The following GPC5 variants were observed in gnomAD, a reference collection of about 807,000 sequenced individuals.
The protein encoded by GPC5 is glypican 5.
In GPC5, 47 loss-of-function variants were observed where a neutral mutation model predicts 53.9. That is an observed-to-expected ratio of 0.87 (90% CI 0.69 to 1.11). The LOEUF (loss-of-function observed/expected upper bound fraction) is 1.11. Among genes scored for constraint, GPC5 ranks in the 50% most tolerant of loss-of-function variants. GPC5 has a pLI of 0.00. For synonymous variants in GPC5, 286 were observed against 263.3 expected, an observed-to-expected ratio of 1.09 and a Z score of -0.84; for missense variants, 748 against 713.1, an observed-to-expected ratio of 1.05 and a Z score of -0.56.
chr13:92,137,576 A>T (rs1291049244), intron 6 of GPC5, among the ~76,000 whole-genome samples: 2 of 152,198 alleles, frequency 1.3e-5, no homozygotes, highest in African/African-American at 4.8e-5. Flanking sequence ...ATCTCAAATA[A>T]TACTCACAAA....
At chr13:92,823,803 C>T (rs1266143043) in intron 7 of GPC5, among the ~76,000 whole-genome samples, 1 of 152,052 alleles carries the variant, frequency 6.6e-6, no homozygotes, top group Non-Finnish European at 1.5e-5. Flanking sequence ...TACTTCCCAA[C>T]CCTGTTAAAA....
At chr13:91,916,459 AAAG>A (rs1362126065) in intron 6 of GPC5, among the ~76,000 whole-genome samples, 4 of 152,348 alleles carry the variant, frequency 2.6e-5, no homozygotes, top group Non-Finnish European at 5.9e-5. Flanking sequence ...ATTTGCCAAT[AAAG>A]AAGATCAAAA....
chr13:92,587,021 A>G (rs1883559643), intron 7 of GPC5, among the ~76,000 whole-genome samples: 1 of 152,066 alleles, frequency 6.6e-6, no homozygotes, highest in Admixed American at 6.5e-5. Context: ...TTACTTAATG[A>G]GCTATTTTCT....
At chr13:92,728,257 T>A (rs1373441089) in intron 7 of GPC5, among the ~76,000 whole-genome samples, 2 of 151,484 alleles carry the variant, frequency 1.3e-5, no homozygotes, top group African/African-American at 2.4e-5. Flanking sequence ...GATGAGCATA[T>A]CTTTTTTGAT....
At chr13:92,672,027 CAA>C (rs1366701422) in intron 7 of GPC5, among the ~76,000 whole-genome samples, 1 of 152,070 alleles carries the variant, frequency 6.6e-6, no homozygotes, top group African/African-American at 2.4e-5. Flanking sequence ...TGAATGAGGA[CAA>C]CTCACAGAGA....
chr13:91,814,418 A>G (rs1409549990), intron 5 of GPC5, among the ~76,000 whole-genome samples: 1 of 152,198 alleles, frequency 6.6e-6, no homozygotes, highest in Non-Finnish European at 1.5e-5. Context: ...AGTAGGGGAA[A>G]AGGAACCTGA....
At position 92,635,164 on chromosome 13, in the gene GPC5, G is replaced by A. The variant is rs565408960; in HGVS notation, c.1562-231118G>A. On this transcript the variant is annotated intron_variant, in intron 7 of 7. Transcript: ENST00000377067. ...TGTTAAACATTTCTGAAATTAACAT[G>A]TACTATGTATATATGTGTATATACT... 2.6e-5 allele frequency among the ~76,000 whole-genome samples: 4 copies of A among 152,046 alleles called. No homozygotes were observed. The South Asian group carries it at 8.3e-4, about 32-fold the overall frequency.
intron 7 of GPC5, among the ~76,000 whole-genome samples, chr13:92,251,168 T>A (rs765185433): frequency 6.6e-6 from 1 of 152,186 alleles, no homozygotes; most frequent in South Asian, 2.1e-4. Context: ...GGGAAGCAGT[T>A]AAGGGTGGGA....
intron 6 of GPC5, among the ~76,000 whole-genome samples, chr13:92,007,600 T>C (rs986751184): frequency 1.3e-5 from 2 of 152,218 alleles, no homozygotes; most frequent in African/African-American, 2.4e-5. Flanking sequence ...TATATTTAAA[T>C]TGTGTGTCTT....
intron 7 of GPC5, among the ~76,000 whole-genome samples, chr13:92,298,613 T>TGTTC (rs1213492878): frequency 6.6e-6 from 1 of 152,214 alleles, no homozygotes; most frequent in Non-Finnish European, 1.5e-5. Flanking sequence ...TGGGGGTGTG[T>TGTTC]GTTCAGGAGA....
intron 7 of GPC5, among the ~76,000 whole-genome samples, chr13:92,319,289 G>A (rs2043200108): frequency 6.6e-6 from 1 of 151,400 alleles, no homozygotes; most frequent in African/African-American, 2.4e-5. Flanking sequence ...AAATATACAT[G>A]TATTTTACAT....
chr13:91,748,756 G>A (rs2037105917), intron 4 of GPC5, among the ~76,000 whole-genome samples: 1 of 152,230 alleles, frequency 6.6e-6, no homozygotes, highest in Non-Finnish European at 1.5e-5. Flanking sequence ...ATTAGGGAAG[G>A]AGTTGGAGAG....
intron 7 of GPC5, among the ~76,000 whole-genome samples, chr13:92,300,596 C>T (rs2043068956): frequency 6.6e-6 from 1 of 152,108 alleles, no homozygotes; most frequent in African/African-American, 2.4e-5. Flanking sequence ...AATCAATAGG[C>T]AGTGGTGAGA....
intron 7 of GPC5, among the ~76,000 whole-genome samples, chr13:92,563,293 C>CA (rs34775045): frequency 6.6e-6 from 1 of 151,960 alleles, no homozygotes; most frequent in Non-Finnish European, 1.5e-5. Context: ...CCCCTCTCCC[C>CA]AAAAAGCTAT....
intron 7 of GPC5, among the ~76,000 whole-genome samples, chr13:92,678,154 C>A (rs61974466): frequency 0.22 from 33,753 of 151,858 alleles, 4,392 homozygotes; most frequent in South Asian, 0.36. Flanking sequence ...GTTTTATATC[C>A]AACACTTTTT....
chr13:92,331,857 A>G (rs947265566), intron 7 of GPC5, among the ~76,000 whole-genome samples: 10 of 152,098 alleles, frequency 6.6e-5, no homozygotes, highest in Non-Finnish European at 1.2e-4. Context: ...CATGCTTACC[A>G]TGATGCACTC....
At chr13:91,833,006 TAAAG>T (rs2038680852) in intron 5 of GPC5, among the ~76,000 whole-genome samples, 1 of 151,648 alleles carries the variant, frequency 6.6e-6, no homozygotes, top group African/African-American at 2.4e-5. Flanking sequence ...GCCAGACTAA[TAAAG>T]AAGAAAAGAG....
At chr13:91,454,934 A>T (rs933189603) in intron 2 of GPC5, among the ~76,000 whole-genome samples, 2 of 152,064 alleles carry the variant, frequency 1.3e-5, no homozygotes, top group Non-Finnish European at 2.9e-5. Context: ...ATGCAGAGGG[A>T]ATCATAGAAA....
At chr13:92,854,608 T>A (rs1426346594) in intron 7 of GPC5, among the ~76,000 whole-genome samples, 1 of 151,926 alleles carries the variant, frequency 6.6e-6, no homozygotes, top group Non-Finnish European at 1.5e-5. Context: ...TGAAAAAATA[T>A]CACTGACTTT....
Sources: allele counts gnomAD v4.1 joint callset (sites outside exome capture counted in the v4.1 genomes callset), GRCh38; gene constraint gnomAD v4.1.1; transcripts MANE v1.5; gene names NCBI Gene and HGNC (gene_info 2026-07-23, HGNC 2026-07-21).